NXPE2: variants seen among roughly 807,000 people sequenced by gnomAD.
NXPE2 encodes the protein neurexophilin and PC-esterase domain family member 2.
In NXPE2, 34 loss-of-function variants were observed where a neutral mutation model predicts 34.4. The observed-to-expected ratio is 0.99, with a 90% CI of 0.75 to 1.31. NXPE2 has a LOEUF of 1.31. Among genes scored for constraint, NXPE2 ranks in the 40% most tolerant of loss-of-function variants. The pLI is 0.00. For synonymous variants in NXPE2, 235 were observed against 231.3 expected, an observed-to-expected ratio of 1.02 and a Z score of -0.15; for missense variants, 649 against 672.5, an observed-to-expected ratio of 0.97 and a Z score of 0.39.
the NXPE2 span, among the ~76,000 whole-genome samples, chr11:114,808,168 A>G: frequency 0.96 from 146,317 of 152,214 alleles, 70,558 homozygotes; most frequent in East Asian, 1. Context: ...ACAACATACC[A>G]GAATCTCTGG....
chr11:114,467,390 G>C, the NXPE2 span, among the ~76,000 whole-genome samples: 38,594 of 152,068 alleles, frequency 0.25, 5,037 homozygotes, highest in East Asian at 0.37. Context: ...GGGAAGAAAA[G>C]GTCCGTTTTT....
chr11:114,757,899 G>C, the NXPE2 span, among the ~76,000 whole-genome samples: 1 of 152,180 alleles, frequency 6.6e-6, no homozygotes, highest in African/African-American at 2.4e-5. Context: ...ATTTTTAAGT[G>C]ATTAATGTGG....
the NXPE2 span, chr11:114,583,919 G>T: frequency 2.5e-6 from 1 of 393,118 alleles, no homozygotes; most frequent in South Asian, 2.1e-5. Flanking sequence ...CAGATATTAT[G>T]CTATTAACTA....
chr11:114,582,298 G>T, the NXPE2 span: 1 of 1,572,204 alleles, frequency 6.4e-7, no homozygotes, highest in African/African-American at 1.4e-5. Context: ...CTTTCAAAGA[G>T]GCTCTTTTCT....
chr11:114,653,801 T>G, the NXPE2 span, among the ~76,000 whole-genome samples: 1 of 152,062 alleles, frequency 6.6e-6, no homozygotes, highest in African/African-American at 2.4e-5. Flanking sequence ...GTGCTGGGAT[T>G]ACAGGCGTGA....
chr11:114,683,318 T>A (rs1950980282), intron 2 of NXPE2, among the ~76,000 whole-genome samples: 1 of 152,192 alleles, frequency 6.6e-6, no homozygotes, highest in Non-Finnish European at 1.5e-5. Context: ...TTATTTTTTG[T>A]AATAGTACTT....
the NXPE2 span, among the ~76,000 whole-genome samples, chr11:114,603,916 T>C: frequency 6.6e-6 from 1 of 151,344 alleles, no homozygotes; most frequent in African/African-American, 2.4e-5. Context: ...CAAGGGTAAC[T>C]GCTAATACCT....
chr11:114,713,138 G>A, the NXPE2 span, among the ~76,000 whole-genome samples: 1 of 152,170 alleles, frequency 6.6e-6, no homozygotes, highest in Non-Finnish European at 1.5e-5. Context: ...GAGGGAGTTA[G>A]TATTTAGTGG....
the NXPE2 span, among the ~76,000 whole-genome samples, chr11:114,527,622 G>C: frequency 6.6e-6 from 1 of 152,168 alleles, no homozygotes; most frequent in Admixed American, 6.5e-5. Context: ...CACGAATGTA[G>C]ATACTAATAC....
chr11:114,580,394 T>A, the NXPE2 span: 1 of 1,490,358 alleles, frequency 6.7e-7, no homozygotes. Flanking sequence ...CCCGTCAGTA[T>A]GTATTAAGAG....
At chr11:114,629,039 C>T in the NXPE2 span, among the ~76,000 whole-genome samples, 1 of 151,926 alleles carries the variant, frequency 6.6e-6, no homozygotes, top group Admixed American at 6.6e-5. Flanking sequence ...AATAGCTTAC[C>T]AATGAAAAAG....
At chr11:114,807,026 G>A in the NXPE2 span, among the ~76,000 whole-genome samples, 3 of 151,980 alleles carry the variant, frequency 2.0e-5, no homozygotes, top group Admixed American at 2.0e-4. Context: ...AAGAGAGTGG[G>A]GACCAATATT....
rs1469311075 is a variant in NXPE2 at position 114,698,574 on chromosome 11, C to T, written c.662C>T (p.Ala221Val). The T allele has an allele frequency of 1.5e-5, 25 of 1,614,034 alleles. No individual in the cohort carries two copies. Among genetic ancestry groups the T allele is most frequent in the Non-Finnish European group, 2.1e-5 (25 of 1,180,004 alleles). The change falls in exon 3 of 6, where the codon GCC becomes GTC. Residue 221 changes from alanine (A) to valine (V), a missense_variant. By Grantham distance (64) the Ala-to-Val change is moderately conservative. Transcript: ENST00000389586. ...CDRIIFTGLF[A>V]NRSSNVFTEC... ...AGGATCATCTTCACTGGCCTGTTTG[C>T]CAACAGAAGCTCCAATGTCTTCACT...
the NXPE2 span, among the ~76,000 whole-genome samples, chr11:114,762,851 C>T: frequency 6.6e-6 from 1 of 152,146 alleles, no homozygotes; most frequent in Non-Finnish European, 1.5e-5. Context: ...ATTTGAGGTG[C>T]TTCCTTCCCT....
the NXPE2 span, among the ~76,000 whole-genome samples, chr11:114,545,146 A>G: frequency 6.6e-6 from 1 of 152,216 alleles, no homozygotes; most frequent in Non-Finnish European, 1.5e-5. Flanking sequence ...ACTTTGAAAG[A>G]CACTTTGATA....
the NXPE2 span, among the ~76,000 whole-genome samples, chr11:114,803,193 A>C: frequency 0.022 from 3,378 of 152,268 alleles, 128 homozygotes; most frequent in African/African-American, 0.077. Context: ...GCCTGTTCCC[A>C]TTTGTTTTAC....
At chr11:114,533,746 C>T in the NXPE2 span, among the ~76,000 whole-genome samples, 1 of 152,194 alleles carries the variant, frequency 6.6e-6, no homozygotes, top group Non-Finnish European at 1.5e-5. Context: ...GGAGGGGCAC[C>T]CACCATTGCT....
At chr11:114,800,683 C>CCAAGTT in the NXPE2 span, among the ~76,000 whole-genome samples, 2 of 152,110 alleles carry the variant, frequency 1.3e-5, no homozygotes, top group African/African-American at 2.4e-5. Context: ...ATCAGAACTC[C>CCAAGTT]CAAGTTCAAG....
At chr11:114,576,805 T>A in the NXPE2 span, among the ~76,000 whole-genome samples, 1 of 151,514 alleles carries the variant, frequency 6.6e-6, no homozygotes, top group African/African-American at 2.4e-5. Context: ...TAAAAACAGA[T>A]CTACCATTTG....
Sources: allele counts gnomAD v4.1 joint callset (sites outside exome capture counted in the v4.1 genomes callset), GRCh38; gene constraint gnomAD v4.1.1; transcripts MANE v1.5; gene names NCBI Gene and HGNC (gene_info 2026-07-23, HGNC 2026-07-21).